CCND1: variants seen among roughly 807,000 people sequenced by gnomAD.
CCND1 encodes cyclin D1.
Under a neutral mutation model 26.1 loss-of-function variants are expected in CCND1, and 9 were observed. The observed-to-expected ratio is 0.35, with a 90% CI of 0.21 to 0.60. The LOEUF is 0.60. Among genes scored for constraint, CCND1 ranks in the 20% least tolerant of loss-of-function variants. CCND1 has a pLI of 0.79. For synonymous variants in CCND1, 194 were observed against 166.1 expected, an observed-to-expected ratio of 1.17 and a Z score of -1.29; for missense variants, 335 against 392.9, an observed-to-expected ratio of 0.85 and a Z score of 1.25.
At chr11:69,643,441 T>C (rs1855736741) in intron 2 of CCND1, 195 bp downstream of exon 2, 1 of 486,608 alleles carries the variant, frequency 2.1e-6, no homozygotes, top group East Asian at 3.6e-5. Flanking sequence ...CCGCCCTGTG[T>C]GCGCTTGCCT....
chr11:69,654,426 G>A lies in CCND1; in HGVS notation c.*3144G>A. On this transcript the variant is annotated 3_prime_UTR_variant, in exon 5 of 5. Coordinates refer to ENST00000227507, the MANE Select transcript of CCND1 (RefSeq NM_053056.3). The surrounding 1 kb of genome is among the most constrained non-coding windows in gnomAD (Gnocchi z 6.3). Reference sequence around the variant, plus strand: ...TGTAACCGGCATGTTTCCAGCAGAAGACAAAAAGACAAACATGAAAGTCTA... The same window carrying A: ...TGTAACCGGCATGTTTCCAGCAGAAAACAAAAAGACAAACATGAAAGTCTA... The A allele has an allele frequency of 1.5e-6, 1 of 680,846 alleles. No individual in the cohort carries two copies. The highest frequency in any genetic ancestry group is 2.1e-5 in the Admixed American group (1 of 47,256). The allele number at this position is 680,846 out of a possible 1,614,324, so 42.2% of individuals were successfully genotyped here.
At position 69,648,112 on chromosome 11, in the gene CCND1, C is replaced by T. The variant is rs762019444; in HGVS notation, c.693C>T (p.Arg231=). The change falls in exon 4 of 5, where the codon CGC becomes CGT. Residue 231 remains arginine, a synonymous_variant. Coordinates refer to ENST00000227507, the MANE Select transcript of CCND1 (RefSeq NM_053056.3). The part of the protein sequence containing the change: ...NNFLSYYRLT[R]FLSRVIKCDP... ...TCCTGTCCTACTACCGCCTCACACG[C>T]TTCCTCTCCAGAGTGATCAAGTGTG... 6.2e-6 allele frequency: 10 copies of T among 1,613,808 alleles called. No homozygotes were observed. The East Asian group carries it at 2.2e-4, about 36-fold the overall frequency.
chr11:69,641,547 T>C (rs755271034), intron 1 of CCND1, 36 bp downstream of exon 1: 2 of 1,596,762 alleles, frequency 1.3e-6, no homozygotes, highest in South Asian at 2.2e-5. Flanking sequence ...AAGACTTCCC[T>C]GCAACTTGTT....
intron 4 of CCND1, among the ~76,000 whole-genome samples, chr11:69,648,521 T>A (rs752272297): frequency 6.6e-6 from 1 of 152,216 alleles, no homozygotes; most frequent in Non-Finnish European, 1.5e-5. Flanking sequence ...AATAAATAGA[T>A]GCTTGAAAAG....
chr11:69,642,794 G>C (rs1414531230), intron 1 of CCND1, among the ~76,000 whole-genome samples: 1 of 151,916 alleles, frequency 6.6e-6, no homozygotes, highest in Middle Eastern at 3.4e-3. Flanking sequence ...AGCTGTGCCC[G>C]CTCCCGCCCC....
In CCND1 at chr11:69,653,810, A is replaced by C. The variant is rs923022915; in HGVS notation, c.*2528A>C. The C allele has an allele frequency of 1.3e-5, 4 of 310,520 alleles. No homozygotes were observed. The highest frequency in any genetic ancestry group is 8.4e-5 in the African/African-American group (4 of 47,796). 19.2% of individuals were successfully genotyped at this position (310,520 alleles called of 1,614,324 possible). A position where few individuals can be genotyped will look rare whatever the true frequency, so the allele number is the denominator to read the frequency against. On this transcript the variant is annotated 3_prime_UTR_variant, in exon 5 of 5. Transcript: ENST00000227507. ...TTATAACAAGTGTGTCTTACGTGCCACCACGGCGTTGTACCTGTAGGACTC... is the reference window on the plus strand; with the variant it reads ...TTATAACAAGTGTGTCTTACGTGCCCCCACGGCGTTGTACCTGTAGGACTC...
At chr11:69,647,673 C>T (rs1297737944) in intron 3 of CCND1, among the ~76,000 whole-genome samples, 3 of 152,232 alleles carry the variant, frequency 2.0e-5, no homozygotes, top group Admixed American at 6.5e-5. Flanking sequence ...TCACAAGGCT[C>T]AAGATGCTAA....
rs1363629659 is a variant in CCND1 at position 69,653,528 on chromosome 11, A to AGCGGGCAGGTTCTGCCTGCTTTG, written c.*2255_*2277dup. 4.5e-5 allele frequency: 25 copies of AGCGGGCAGGTTCTGCCTGCTTTG among 556,674 alleles called. No individual in the cohort carries two copies. In the Admixed American group the frequency reaches 5.0e-4, roughly 11 times the overall value. 34.5% of individuals were successfully genotyped at this position (556,674 alleles called of 1,614,324 possible). ...TGCTTCACTTAGCCATGGTGGACCC[A>AGCGGGCAGGTTCTGCCTGCTTTG]GCGGGCAGGTTCTGCCTGCTTTGGC... On this transcript the variant is annotated 3_prime_UTR_variant, in exon 5 of 5. Coordinates refer to ENST00000227507, the MANE Select transcript of CCND1 (RefSeq NM_053056.3).
chr11:69,643,300 C>A, intron 2 of CCND1, 54 bp downstream of exon 2: 1 of 1,424,004 alleles, frequency 7.0e-7, no homozygotes, highest in Non-Finnish European at 9.6e-7. Context: ...CGCAGGACCA[C>A]GGGGCCGGGG....
intron 3 of CCND1, among the ~76,000 whole-genome samples, chr11:69,647,068 C>T (rs1855791974): frequency 6.6e-6 from 1 of 152,174 alleles, no homozygotes; most frequent in Non-Finnish European, 1.5e-5. Context: ...GCTGCTCCCT[C>T]CTGGGGCCCG....
In CCND1 at chr11:69,653,429, T is replaced by C. The variant is rs1384039295; in HGVS notation, c.*2147T>C. The C allele has an allele frequency of 1.6e-6, 1 of 632,926 alleles. No homozygotes were observed. Among genetic ancestry groups the C allele is most frequent in the East Asian group, 2.8e-5 (1 of 35,358 alleles). 39.2% of individuals were successfully genotyped at this position (632,926 alleles called of 1,614,324 possible). A position where few individuals can be genotyped will look rare whatever the true frequency, so the allele number is the denominator to read the frequency against. ...GATGCCTTTTTTGTAGTTTTTTTTT[T>C]TTTTATGTGATCAATTTTGACTTAA... On this transcript the variant is annotated 3_prime_UTR_variant, in exon 5 of 5. Coordinates refer to ENST00000227507, the MANE Select transcript of CCND1 (RefSeq NM_053056.3).
intron 4 of CCND1, 123 bp downstream of exon 4, chr11:69,648,265 G>T (rs1349584750): frequency 3.6e-6 from 4 of 1,114,942 alleles, no homozygotes; most frequent in Non-Finnish European, 5.1e-6. Context: ...GCTGGGGCTG[G>T]GCCCCTCGGA....
rs779218398 is a variant in CCND1 at position 69,654,253 on chromosome 11, G to A, written c.*2971G>A. 6.0e-5 allele frequency: 42 copies of A among 702,442 alleles called. No homozygotes were observed. In the East Asian group the frequency reaches 1.1e-3, roughly 18 times the overall value. The allele number at this position is 702,442 out of a possible 1,614,324, so 43.5% of individuals were successfully genotyped here. A position where few individuals can be genotyped will look rare whatever the true frequency, so the allele number is the denominator to read the frequency against. On this transcript the variant is annotated 3_prime_UTR_variant, in exon 5 of 5. Coordinates refer to ENST00000227507, the MANE Select transcript of CCND1 (RefSeq NM_053056.3). This position sits in a 1 kb window ranked among gnomAD's most constrained non-coding sequence, Gnocchi z 6.3. The stretch of plus-strand genomic sequence containing the variant: ...TGGGGCAAGGGCACAAGTCCTGGAT[G>A]TTGTGTGTATCGAGAGGCCAAAGGC...
chr11:69,643,445 C>T (rs1315831757), intron 2 of CCND1, 199 bp downstream of exon 2: 1 of 487,668 alleles, frequency 2.1e-6, no homozygotes, highest in East Asian at 3.6e-5. Context: ...CCTGTGTGCG[C>T]TTGCCTGCGA....
At position 69,641,387 on chromosome 11, in the gene CCND1, A is replaced by G. The variant is rs1400812649; in HGVS notation, c.74A>G (p.Asp25Gly). Reference protein sequence around the residue: ...RAYPDANLLNDRVLRAMLKAE... With the variant: ...RAYPDANLLNGRVLRAMLKAE... ...TACCCCGATGCCAACCTCCTCAACG[A>G]CCGGGTGCTGCGGGCCATGCTGAAG... The change falls in exon 1 of 5, where the codon GAC becomes GGC. Residue 25 changes from aspartate (D) to glycine (G), a missense_variant. Transcript: ENST00000227507. 3 of 1,613,278 alleles carry G rather than the reference A, an allele frequency of 1.9e-6. No homozygotes were observed. Among genetic ancestry groups the G allele is most frequent in the Non-Finnish European group, 2.5e-6 (3 of 1,179,982 alleles).
chr11:69,644,633 C>A (rs1220534612), intron 3 of CCND1, among the ~76,000 whole-genome samples: 1 of 152,200 alleles, frequency 6.6e-6, no homozygotes, highest in Non-Finnish European at 1.5e-5. Context: ...GCAGAAGCAC[C>A]CAGTCCTCAC....
chr11:69,645,563 G>A (rs1303044081), intron 3 of CCND1, among the ~76,000 whole-genome samples: 1 of 152,180 alleles, frequency 6.6e-6, no homozygotes, highest in East Asian at 1.9e-4. Flanking sequence ...CCCGAGGGAG[G>A]GGCAGGAGAC....
At chr11:69,645,885 G>A (rs1163643318) in intron 3 of CCND1, among the ~76,000 whole-genome samples, 1 of 152,208 alleles carries the variant, frequency 6.6e-6, no homozygotes, top group Non-Finnish European at 1.5e-5. Flanking sequence ...GGGGGTTTCA[G>A]GGCAGGTGCG....
intron 4 of CCND1, among the ~76,000 whole-genome samples, chr11:69,648,987 C>G (rs1855821802): frequency 6.6e-6 from 1 of 152,180 alleles, no homozygotes. Context: ...GCTGCCCAGC[C>G]CATGTGTGTC....
Sources: gnomAD v4.1 joint callset for allele counts (sites outside exome capture counted in the v4.1 genomes callset) on GRCh38, gnomAD v4.1.1 for gene constraint, Gnocchi (gnomAD v3.1) non-coding constraint, MANE v1.5 for transcripts, NCBI Gene and HGNC (gene_info 2026-07-23, HGNC 2026-07-21) for gene names.